Variants in SLC2A9 observed in about 807,000 individuals in gnomAD.
The protein encoded by SLC2A9 is solute carrier family 2, facilitated glucose transporter member 9.
Under a neutral mutation model 50.6 loss-of-function variants are expected in SLC2A9, and 39 were observed. The ratio of observed to expected loss-of-function variants is 0.77; its 90% CI spans 0.60 to 1.01. SLC2A9 has a LOEUF of 1.01. Ranked by LOEUF, SLC2A9 falls within the 50% of genes least tolerant of loss-of-function variation. The probability of loss-of-function intolerance (pLI) is 0.00; values close to 1 mark genes in which losing one functional copy is unlikely to be tolerated. For synonymous variants in SLC2A9, 324 were observed against 276.9 expected, an observed-to-expected ratio of 1.17 and a Z score of -1.69; for missense variants, 686 against 677.6, an observed-to-expected ratio of 1.01 and a Z score of -0.14.
chr4:9,904,774 A>G (rs2109945132), intron 8 of SLC2A9, among the ~76,000 whole-genome samples: 1 of 152,336 alleles, frequency 6.6e-6, no homozygotes, highest in Non-Finnish European at 1.5e-5. Flanking sequence ...GTTTCTCCCC[A>G]GAACATTTTT....
chr4:9,835,461 C>A (rs1333911983), intron 10 of SLC2A9, among the ~76,000 whole-genome samples: 5 of 152,318 alleles, frequency 3.3e-5, no homozygotes, highest in Non-Finnish European at 5.9e-5. Context: ...CCAATGAGAT[C>A]TACACCTGGG....
intron 3 of SLC2A9, 97 bp downstream of exon 3, chr4:9,996,684 C>T: frequency 6.9e-7 from 1 of 1,444,744 alleles, no homozygotes; most frequent in South Asian, 1.2e-5. Flanking sequence ...GTTGAACTGC[C>T]TGAGTGGAGT....
chr4:9,872,409 T>C (rs1055958225), intron 10 of SLC2A9, among the ~76,000 whole-genome samples: 6 of 152,158 alleles, frequency 3.9e-5, no homozygotes, highest in Non-Finnish European at 5.9e-5. Context: ...CATTTTTGAA[T>C]AAAAATATGT....
intron 10 of SLC2A9, among the ~76,000 whole-genome samples, chr4:9,881,290 C>T (rs1007733471): frequency 6.6e-6 from 1 of 152,216 alleles, no homozygotes; most frequent in African/African-American, 2.4e-5. Flanking sequence ...CTTGGTTGGC[C>T]TTCAGTGCAG....
chr4:9,926,973 C>T lies in SLC2A9; in HGVS notation c.815-6401G>A, dbSNP rs1745014688. On this transcript the variant is annotated intron_variant, in intron 6 of 11. Coordinates refer to ENST00000264784, the MANE Select transcript of SLC2A9 (RefSeq NM_020041.3). ...AAGAGGGAGCATGGCCCTGCTGGCA[C>T]CTTGACCTTGGACTTCTGGCCTCCA... is the stretch of plus-strand genomic sequence containing the variant. Among the ~76,000 whole-genome samples, 3 of 151,910 alleles carry T rather than the reference C, an allele frequency of 2.0e-5. No individual in the cohort carries two copies. In the South Asian group the frequency reaches 6.2e-4, roughly 32 times the overall value.
chr4:9,994,877 T>C (rs1007630703), intron 3 of SLC2A9, among the ~76,000 whole-genome samples: 2 of 152,162 alleles, frequency 1.3e-5, no homozygotes, highest in Admixed American at 1.3e-4. Context: ...AGTGACTCCA[T>C]CCCACTAGGA....
chr4:9,901,315 T>C (rs549382798), intron 8 of SLC2A9, among the ~76,000 whole-genome samples: 21 of 152,248 alleles, frequency 1.4e-4, no homozygotes, highest in Non-Finnish European at 2.5e-4. Context: ...CCTATAGAAA[T>C]GCCATAGAAT....
At chr4:10,008,678 G>A (rs866251970) in intron 2 of SLC2A9, among the ~76,000 whole-genome samples, 12 of 152,262 alleles carry the variant, frequency 7.9e-5, no homozygotes, top group South Asian at 4.1e-4. Context: ...CATTAAAAGC[G>A]GCCTCTGGAT....
chr4:10,005,595 A>T (rs1017558933), intron 2 of SLC2A9, among the ~76,000 whole-genome samples: 6 of 152,256 alleles, frequency 3.9e-5, no homozygotes, highest in African/African-American at 1.2e-4. Context: ...GATGAGTCTG[A>T]TCAAAATTGT....
At chr4:9,908,146 A>G in intron 8 of SLC2A9, 89 bp downstream of exon 8, 1 of 878,718 alleles carries the variant, frequency 1.1e-6, no homozygotes, top group Middle Eastern at 2.6e-4. Flanking sequence ...TGATGGGGAA[A>G]GCCTGTGCCT....
intron 3 of SLC2A9, among the ~76,000 whole-genome samples, chr4:9,819,705 G>A (rs1021254670): frequency 6.6e-6 from 1 of 152,318 alleles, no homozygotes; most frequent in South Asian, 2.1e-4. Flanking sequence ...AGGCCAAGGC[G>A]TGCAGACCAC....
chr4:9,934,018 G>C (rs1049500580), intron 6 of SLC2A9, among the ~76,000 whole-genome samples: 1 of 152,154 alleles, frequency 6.6e-6, no homozygotes, highest in African/African-American at 2.4e-5. Context: ...GTCAGCTGAT[G>C]AGCAGCCTTA....
chr4:9,913,330 T>TGTGA lies in SLC2A9; in HGVS notation c.1003-4986_1003-4985insTCAC, dbSNP rs1491090035. 8.4e-3 allele frequency among the ~76,000 whole-genome samples: 742 copies of TGTGA among 88,784 alleles called. 14 individuals carry two copies. Among genetic ancestry groups the TGTGA allele is most frequent in the East Asian group, 0.076 (338 of 4,452 alleles). The allele number at this position is 88,784 out of a possible 152,430, so 58.2% of individuals were successfully genotyped here. A position where few individuals can be genotyped will look rare whatever the true frequency, so the allele number is the denominator to read the frequency against. ...GTGTGTGTGTGTGTGTGTGTGTGTG[T>TGTGA]GAGAGAGAGAGAGAGAGAGAGAGAG... On this transcript the variant is annotated intron_variant, in intron 7 of 11. Coordinates refer to ENST00000264784, the MANE Select transcript of SLC2A9 (RefSeq NM_020041.3).
chr4:10,010,425 G>T (rs1761568818), intron 2 of SLC2A9, among the ~76,000 whole-genome samples: 1 of 152,102 alleles, frequency 6.6e-6, no homozygotes, highest in South Asian at 2.1e-4. Flanking sequence ...AACCAGAAGG[G>T]GTAGTGAGAA....
intron 2 of SLC2A9, among the ~76,000 whole-genome samples, chr4:10,002,252 T>C (rs1759970399): frequency 6.6e-6 from 1 of 152,230 alleles, no homozygotes; most frequent in African/African-American, 2.4e-5. Flanking sequence ...CCCACTCTTT[T>C]CAACAACTTT....
chr4:9,836,966 C>A (rs1049320085), intron 10 of SLC2A9, among the ~76,000 whole-genome samples: 3 of 152,162 alleles, frequency 2.0e-5, no homozygotes, highest in Non-Finnish European at 4.4e-5. Context: ...CCCAGGGTGA[C>A]AAAGCCACAA....
downstream of SLC2A9, among the ~76,000 whole-genome samples, chr4:9,795,192 T>C (rs1419375141): frequency 6.6e-6 from 1 of 151,860 alleles, no homozygotes; most frequent in African/African-American, 2.4e-5. Context: ...TTTGTATTTT[T>C]AGTATAGACA....
intron 3 of SLC2A9, among the ~76,000 whole-genome samples, chr4:9,818,870 C>A (rs937194448): frequency 2.6e-5 from 4 of 152,062 alleles, no homozygotes; most frequent in Non-Finnish European, 5.9e-5. Context: ...TGCCTGTAAT[C>A]CCAGCACTTT....
chr4:9,820,562 A>T (rs1724260773), intron 3 of SLC2A9, among the ~76,000 whole-genome samples: 1 of 152,360 alleles, frequency 6.6e-6, no homozygotes, highest in East Asian at 1.9e-4. Context: ...AAAGTCATTC[A>T]TTCAGTGAAC....
Sources: gnomAD v4.1 joint callset for allele counts (sites outside exome capture counted in the v4.1 genomes callset) on GRCh38, gnomAD v4.1.1 for gene constraint, MANE v1.5 for transcripts, NCBI Gene and HGNC (gene_info 2026-07-23, HGNC 2026-07-21) for gene names.